Variants in CSNK1G1 observed in about 807,000 individuals in gnomAD.
CSNK1G1 encodes casein kinase 1 gamma 1.
In CSNK1G1, 22 loss-of-function variants were observed where a neutral mutation model predicts 59.6. The ratio of observed to expected loss-of-function variants is 0.37; its 90% CI spans 0.26 to 0.53. The LOEUF is 0.53. CSNK1G1 is among the 20% of genes least tolerant of loss of function. CSNK1G1 has a pLI of 0.89. For synonymous variants in CSNK1G1, 179 were observed against 177.1 expected (o/e 1.01, Z -0.08); for missense variants, 384 against 519.5 (o/e 0.74, Z 2.54).
At chr15:64,189,985 A>AT (rs1202299769) in intron 10 of CSNK1G1, among the ~76,000 whole-genome samples, 1 of 151,508 alleles carries the variant, frequency 6.6e-6, no homozygotes, top group Non-Finnish European at 1.5e-5. Context: ...TGCCCGGCTA[A>AT]TTTTTTTTGT....
intron 4 of CSNK1G1, among the ~76,000 whole-genome samples, chr15:64,245,802 A>G (rs1189656298): frequency 1.3e-5 from 2 of 152,088 alleles, no homozygotes; most frequent in Non-Finnish European, 2.9e-5. Flanking sequence ...TGTCATTTGC[A>G]GCAACACAGA....
At chr15:64,352,741 G>C (rs543555633) in intron 1 of CSNK1G1, among the ~76,000 whole-genome samples, 2 of 151,122 alleles carry the variant, frequency 1.3e-5, no homozygotes, top group Admixed American at 1.3e-4. Context: ...CACCATGCCT[G>C]GCCTAATTTC....
chr15:64,302,972 A>T (rs1443453236), intron 1 of CSNK1G1, among the ~76,000 whole-genome samples: 6 of 152,192 alleles, frequency 3.9e-5, no homozygotes, highest in Admixed American at 6.5e-5. Flanking sequence ...TTGCACTTAG[A>T]CTAGTATAAC....
In CSNK1G1 at chr15:64,204,872, G is replaced by A. The variant is rs757840411; in HGVS notation, c.843C>T (p.Asn281=). Residue 281 remains asparagine, a synonymous_variant, in exon 8 of 12, where the codon AAC becomes AAT. Coordinates refer to ENST00000303052, the MANE Select transcript of CSNK1G1 (RefSeq NM_022048.5). ...RNTPIEALCE[N]FPEEMATYLR... is the part of the protein sequence containing the mutation. ...GTCTTTTTAGCATCCCACCTGGAAA[G>A]TTCTCACAGAGAGCTTCAATGGGAG... The A allele has an allele frequency of 5.6e-6, 9 of 1,606,384 alleles. No homozygotes were observed. Among genetic ancestry groups the A allele is most frequent in the Non-Finnish European group, 7.7e-6 (9 of 1,173,334 alleles).
intron 10 of CSNK1G1, among the ~76,000 whole-genome samples, chr15:64,198,192 CTTTTTT>C (rs893282431): frequency 9.0e-5 from 10 of 110,564 alleles, no homozygotes; most frequent in Admixed American, 3.8e-4. Context: ...ACAGGATATA[CTTTTTT>C]TTTTTTTTTT....
At chr15:64,324,111 T>C (rs1305888814) in intron 1 of CSNK1G1, among the ~76,000 whole-genome samples, 1 of 152,232 alleles carries the variant, frequency 6.6e-6, no homozygotes, top group African/African-American at 2.4e-5. Flanking sequence ...GTCAGGTAGA[T>C]ACTTGACATC....
At position 64,204,478 on chromosome 15, in the gene CSNK1G1, G is replaced by A. The variant is rs2082151409; in HGVS notation, c.962C>T (p.Thr321Ile). 5 of 1,612,928 alleles carry A rather than the reference G, an allele frequency of 3.1e-6. No individual in the cohort carries two copies. The Admixed American group carries it at 6.7e-5, about 22-fold the overall frequency. Residue 321 changes from threonine to isoleucine, a missense_variant, in exon 9 of 12, where the codon ACC becomes ATC. Physicochemically the swap from Thr to Ile is moderately conservative, Grantham distance 89. Transcript: ENST00000303052. ...AACCCAATCATAGGCATAGTCAAAGGTGTAGCCTTTCTTTTCAAAGAGGTC... is the reference window on the plus strand; with the variant it reads ...AACCCAATCATAGGCATAGTCAAAGATGTAGCCTTTCTTTTCAAAGAGGTC... ...FTDLFEKKGY[T>I]FDYAYDWVGR...
chr15:64,330,649 C>A (rs1254003967), intron 1 of CSNK1G1, among the ~76,000 whole-genome samples: 62 of 89,432 alleles, frequency 6.9e-4, no homozygotes, highest in African/African-American at 2.7e-3. Flanking sequence ...TGCTCCTATT[C>A]AACATAGTGT....
At chr15:64,317,527 TC>T (rs2140433255) in intron 1 of CSNK1G1, among the ~76,000 whole-genome samples, 1 of 66,804 alleles carries the variant, frequency 1.5e-5, no homozygotes, top group South Asian at 9.6e-4. Flanking sequence ...TGATAAGGTT[TC>T]TCTTTTTTTT....
intron 2 of CSNK1G1, among the ~76,000 whole-genome samples, chr15:64,277,665 ATATATTTAATAATATAGCAATATTG>A (rs1893754274): frequency 7.6e-6 from 1 of 131,884 alleles, no homozygotes; most frequent in African/African-American, 3.0e-5. Context: ...AGCAATATTG[ATATATTTAATAATATAGCAATATTG>A]ATATATTTAA....
At chr15:64,292,732 G>A (rs1894811830) in intron 2 of CSNK1G1, among the ~76,000 whole-genome samples, 1 of 151,968 alleles carries the variant, frequency 6.6e-6, no homozygotes, top group African/African-American at 2.4e-5. Context: ...AGACCATCCT[G>A]GCCAACTTGG....
chr15:64,330,339 G>C (rs1171543769), intron 1 of CSNK1G1, among the ~76,000 whole-genome samples: 1 of 148,566 alleles, frequency 6.7e-6, no homozygotes, highest in Non-Finnish European at 1.5e-5. Flanking sequence ...GATCAAGTGG[G>C]CTTCATCCCT....
intron 1 of CSNK1G1, among the ~76,000 whole-genome samples, chr15:64,346,810 G>A (rs1898003106): frequency 6.6e-6 from 1 of 151,952 alleles, no homozygotes; most frequent in African/African-American, 2.4e-5. Context: ...AAAGAGAAGA[G>A]GTTAACTTGG....
chr15:64,253,625 T>C (rs1386731395), intron 3 of CSNK1G1, among the ~76,000 whole-genome samples: 3 of 152,328 alleles, frequency 2.0e-5, no homozygotes, highest in Non-Finnish European at 4.4e-5. Context: ...TCCATGTTTA[T>C]AGCATTATTA....
chr15:64,326,202 T>G (rs892792677), intron 1 of CSNK1G1, among the ~76,000 whole-genome samples: 1 of 152,144 alleles, frequency 6.6e-6, no homozygotes, highest in Admixed American at 6.5e-5. Context: ...ATTTTTGTAT[T>G]TTTAGTAGAG....
intron 1 of CSNK1G1, among the ~76,000 whole-genome samples, chr15:64,338,781 G>A (rs1596296364): frequency 1.3e-5 from 2 of 151,542 alleles, no homozygotes; most frequent in Admixed American, 1.3e-4. Flanking sequence ...ACTTTGGGAG[G>A]TGGAAGCTGG....
Position 64,171,970 on chromosome 15 carries a change from A to C in CSNK1G1, c.1230T>G (p.Phe410Leu), listed in dbSNP as rs572581738. The C allele has an allele frequency of 2.5e-6, 4 of 1,614,112 alleles. No homozygotes were observed. The highest frequency in any genetic ancestry group is 3.4e-6 in the Non-Finnish European group (4 of 1,180,002). Residue 410 changes from phenylalanine to leucine, a missense_variant, in exon 12 of 12, where the codon TTT becomes TTG. This residue lies in a region of CSNK1G1 where 325 missense variants were observed against 440.9 expected (regional missense o/e 0.74). Coordinates refer to ENST00000303052, the MANE Select transcript of CSNK1G1 (RefSeq NM_022048.5). This position sits in a 1 kb window ranked among gnomAD's most constrained non-coding sequence, Gnocchi z 4.8. ...VVEEAKCCCF[F>L]KRKRKKTAQR... ...GAGCAGTCTTCTTCCTTTTCCTCTT[A>C]AAGAAACAGCAGCACCTGGAGCACA...
intron 1 of CSNK1G1, among the ~76,000 whole-genome samples, chr15:64,326,905 G>C (rs568915806): frequency 8.3e-4 from 126 of 151,076 alleles, no homozygotes; most frequent in African/African-American, 3.0e-3. Flanking sequence ...GTCAAAGAAA[G>C]GGGTGACGGA....
chr15:64,301,666 T>C (rs1895345640), intron 1 of CSNK1G1, among the ~76,000 whole-genome samples: 1 of 152,226 alleles, frequency 6.6e-6, no homozygotes, highest in African/African-American at 2.4e-5. Context: ...GGCAGGCAGA[T>C]CACCTGAGGT....
Sources: allele counts gnomAD v4.1 joint callset (sites outside exome capture counted in the v4.1 genomes callset), GRCh38; gene constraint gnomAD v4.1.1; regional missense constraint gnomAD v4.1.1; non-coding constraint Gnocchi (gnomAD v3.1); transcripts MANE v1.5; gene names NCBI Gene and HGNC (gene_info 2026-07-23, HGNC 2026-07-21).